Variants in CNTN5 observed in about 807,000 individuals in gnomAD.
The protein encoded by CNTN5 is contactin 5.
CNTN5 carries 77 observed loss-of-function variants against 129.1 expected under a neutral mutation model. That is an observed-to-expected ratio of 0.60 (90% CI 0.50 to 0.72). The LOEUF (loss-of-function observed/expected upper bound fraction) is 0.72, where lower values mean the gene tolerates loss of function less well. Ranked by LOEUF, CNTN5 falls within the 30% of genes least tolerant of loss-of-function variation. The pLI is 0.00. For missense variants in CNTN5, 1,478 were observed against 1,328.8 expected, an observed-to-expected ratio of 1.11 and a Z score of -1.75; for synonymous variants, 509 against 465.6, an observed-to-expected ratio of 1.09 and a Z score of -1.20.
intron 3 of CNTN5, among the ~76,000 whole-genome samples, chr11:99,578,121 T>G (rs1250715775): frequency 2.0e-5 from 3 of 151,988 alleles, no homozygotes; most frequent in Admixed American, 1.3e-4. Context: ...GAATGATGGT[T>G]TCCAGTTTCA....
intron 3 of CNTN5, among the ~76,000 whole-genome samples, chr11:99,772,317 C>A (rs959660856): frequency 6.6e-6 from 1 of 151,972 alleles, no homozygotes; most frequent in Non-Finnish European, 1.5e-5. Flanking sequence ...CAGGTTAAGT[C>A]CGGAATGTAT....
At chr11:100,044,118 G>T (rs913990190) in intron 9 of CNTN5, among the ~76,000 whole-genome samples, 2 of 121,926 alleles carry the variant, frequency 1.6e-5, no homozygotes, top group Non-Finnish European at 3.2e-5. Context: ...ACACACACAC[G>T]TATAGACTTA....
At chr11:99,609,339 TG>T (rs1295780499) in intron 3 of CNTN5, among the ~76,000 whole-genome samples, 2 of 151,692 alleles carry the variant, frequency 1.3e-5, no homozygotes, top group African/African-American at 4.8e-5. Flanking sequence ...AAAAGATGAG[TG>T]GTAAGCAATT....
chr11:99,378,000 G>A (rs1326948093), intron 2 of CNTN5, among the ~76,000 whole-genome samples: 1 of 152,108 alleles, frequency 6.6e-6, no homozygotes, highest in Non-Finnish European at 1.5e-5. Flanking sequence ...GCAAGATAGT[G>A]AGTTCCTAGA....
intron 7 of CNTN5, among the ~76,000 whole-genome samples, chr11:99,953,008 C>G (rs142189491): frequency 6.6e-6 from 1 of 152,308 alleles, no homozygotes; most frequent in African/African-American, 2.4e-5. Flanking sequence ...CCCAAAGCCT[C>G]TGATGTGTAC....
rs141173398 is a variant in CNTN5 at position 100,048,444 on chromosome 11, A to G, written c.981-12768A>G. Among the ~76,000 whole-genome samples, 208 of 152,314 alleles carry G rather than the reference A, an allele frequency of 1.4e-3. 1 individual carries two copies. The highest frequency in any genetic ancestry group is 3.4e-3 in the Middle Eastern group (1 of 294). ...ATTCCCATAATAAATACATATATGT[A>G]TAAATCTATCTCTTGTTGATTCTGT... is the stretch of plus-strand genomic sequence containing the variant. On this transcript the variant is annotated intron_variant, in intron 9 of 24. Transcript: ENST00000524871.
At chr11:99,920,175 T>G (rs1949901661) in intron 7 of CNTN5, among the ~76,000 whole-genome samples, 1 of 152,172 alleles carries the variant, frequency 6.6e-6, no homozygotes, top group African/African-American at 2.4e-5. Context: ...GGGTTATTTC[T>G]TTCTCCATAA....
At chr11:100,002,400 C>T (rs1039058930) in intron 9 of CNTN5, among the ~76,000 whole-genome samples, 6 of 152,068 alleles carry the variant, frequency 3.9e-5, no homozygotes, top group Non-Finnish European at 7.4e-5. Flanking sequence ...TACATCTTTA[C>T]CTATGTATCT....
chr11:99,046,254 C>T (rs1019187892), intron 1 of CNTN5, among the ~76,000 whole-genome samples: 4 of 152,072 alleles, frequency 2.6e-5, no homozygotes, highest in African/African-American at 7.2e-5. Flanking sequence ...GCCTGAGAAT[C>T]GCTTGAACCC....
chr11:100,299,979 G>A (rs1951183261), intron 20 of CNTN5, among the ~76,000 whole-genome samples: 1 of 151,426 alleles, frequency 6.6e-6, no homozygotes, highest in Admixed American at 6.6e-5. Context: ...CGTGCTAAAG[G>A]TTACACTGCT....
chr11:99,104,733 A>G (rs1488456326), intron 1 of CNTN5, among the ~76,000 whole-genome samples: 1 of 152,064 alleles, frequency 6.6e-6, no homozygotes, highest in Non-Finnish European at 1.5e-5. Context: ...TGCAAGAAAG[A>G]AAAAAATATT....
intron 3 of CNTN5, among the ~76,000 whole-genome samples, chr11:99,614,768 C>T (rs942698869): frequency 6.6e-6 from 1 of 152,004 alleles, no homozygotes; most frequent in Non-Finnish European, 1.5e-5. Flanking sequence ...TTTCCTAGTC[C>T]ATTGCCTTAT....
intron 1 of CNTN5, among the ~76,000 whole-genome samples, chr11:99,099,786 G>A (rs1390862636): frequency 2.6e-5 from 4 of 152,072 alleles, no homozygotes; most frequent in Non-Finnish European, 2.9e-5. Flanking sequence ...GACACAATAC[G>A]TATAAATCAC....
intron 3 of CNTN5, among the ~76,000 whole-genome samples, chr11:99,805,467 A>G (rs1167795542): frequency 6.6e-6 from 1 of 152,212 alleles, no homozygotes; most frequent in Non-Finnish European, 1.5e-5. Flanking sequence ...ATTGTTTGTC[A>G]TCATGAAGGC....
chr11:99,252,283 C>CT (rs1862149441), intron 1 of CNTN5, among the ~76,000 whole-genome samples: 1 of 151,794 alleles, frequency 6.6e-6, no homozygotes, highest in South Asian at 2.1e-4. Context: ...GCCAGGTATC[C>CT]TTGAGTTCTG....
At chr11:99,202,333 AT>A (rs1229196321) in intron 1 of CNTN5, among the ~76,000 whole-genome samples, 2 of 152,188 alleles carry the variant, frequency 1.3e-5, no homozygotes, top group Non-Finnish European at 2.9e-5. Flanking sequence ...GAAACAATTT[AT>A]TTTGACCATA....
intron 2 of CNTN5, among the ~76,000 whole-genome samples, chr11:99,341,475 C>T (rs962734): frequency 0.99 from 150,711 of 152,256 alleles, 74,613 homozygotes; most frequent in East Asian, 1. Context: ...TCAGGAAGCA[C>T]GAGTTTGAAT....
intron 9 of CNTN5, among the ~76,000 whole-genome samples, chr11:100,048,545 A>T (rs1281462915): frequency 6.6e-6 from 1 of 152,150 alleles, no homozygotes; most frequent in Non-Finnish European, 1.5e-5. Context: ...AGTTATCTTT[A>T]TGAAAGTTTT....
chr11:99,662,929 G>A (rs1952649312), intron 3 of CNTN5, among the ~76,000 whole-genome samples: 1 of 152,128 alleles, frequency 6.6e-6, no homozygotes, highest in East Asian at 1.9e-4. Context: ...TAGAAATGTT[G>A]TTTCCTGATT....
Sources: gnomAD v4.1 joint callset for allele counts (sites outside exome capture counted in the v4.1 genomes callset) on GRCh38, gnomAD v4.1.1 for gene constraint, MANE v1.5 for transcripts, NCBI Gene and HGNC (gene_info 2026-07-23, HGNC 2026-07-21) for gene names.